The following UBR1 variants were observed in gnomAD, a reference collection of about 807,000 sequenced individuals.
UBR1 encodes E3 ubiquitin-protein ligase UBR1.
Under a neutral mutation model 242.1 loss-of-function variants are expected in UBR1, and 102 were observed. The observed-to-expected ratio is 0.42, with a 90% CI of 0.36 to 0.50. UBR1 has a LOEUF of 0.50. Ranked by LOEUF, UBR1 falls within the 20% of genes least tolerant of loss-of-function variation. The pLI is 0.01. For synonymous variants in UBR1, 675 were observed against 684.8 expected (o/e 0.99, Z 0.22); for missense variants, 1,772 against 2,101.8 (o/e 0.84, Z 3.07).
rs2033407231 is a variant in UBR1, at chr15:43,040,750, A to T, written c.1849+2465T>A. Among the ~76,000 whole-genome samples the T allele has an allele frequency of 2.6e-5, 4 of 152,224 alleles. 1 individual carries two copies. In the South Asian group the frequency reaches 8.3e-4, roughly 31 times the overall value. On this transcript the variant is annotated intron_variant, in intron 15 of 46. Coordinates refer to ENST00000290650, the MANE Select transcript of UBR1 (RefSeq NM_174916.3). The stretch of plus-strand genomic sequence containing the variant: ...AAAGGACTCAAACAAATTTACAAGA[A>T]AAAACACAACTCCATTGAAAAGCAG...
intron 1 of UBR1, among the ~76,000 whole-genome samples, chr15:43,093,029 C>G (rs1324804387): frequency 6.6e-6 from 1 of 151,540 alleles, no homozygotes; most frequent in Non-Finnish European, 1.5e-5. Flanking sequence ...TTTTAAGTAC[C>G]AAGTCCAGGA....
At chr15:43,076,510 C>T (rs2033896483) in intron 3 of UBR1, among the ~76,000 whole-genome samples, 1 of 150,988 alleles carries the variant, frequency 6.6e-6, no homozygotes, top group African/African-American at 2.4e-5. Context: ...AGCGTCTCTG[C>T]CCGGCCGCCC....
chr15:43,013,458 A>T (rs971025006), intron 29 of UBR1, among the ~76,000 whole-genome samples: 1 of 152,242 alleles, frequency 6.6e-6, no homozygotes, highest in Admixed American at 6.5e-5. Context: ...ACCTGTAGTT[A>T]TAGGCAATGT....
intron 44 of UBR1, among the ~76,000 whole-genome samples, chr15:42,954,818 C>T (rs2031892135): frequency 6.6e-6 from 1 of 152,198 alleles, no homozygotes; most frequent in Admixed American, 6.5e-5. Flanking sequence ...ATCTGCCCGC[C>T]TTGGCTTCCC....
chr15:42,970,486 T>C (rs373203552), intron 40 of UBR1, 34 bp downstream of exon 40: 3 of 1,583,670 alleles, frequency 1.9e-6, no homozygotes, highest in Non-Finnish European at 1.7e-6. Flanking sequence ...AATGGAATTA[T>C]TACAATAGAC....
At position 43,060,105 on chromosome 15, in the gene UBR1, C is replaced by T; in HGVS notation, c.808G>A (p.Ala270Thr). ...TTAIDKEGRR[A>T]VKAGAYAACQ... ...GCAGCATAAGCTCCCGCTTTAACAG[C>T]CCGACGACCCTAATTATAGACAAAA... The change falls in exon 7 of 47, where the codon GCT becomes ACT. Residue 270 changes from alanine to threonine, a missense_variant. Ala to Thr is a moderately conservative substitution (Grantham distance 58). This residue lies in a region of UBR1 where 734 missense variants were observed against 893.3 expected (regional missense o/e 0.82). Coordinates refer to ENST00000290650, the MANE Select transcript of UBR1 (RefSeq NM_174916.3). 1 of 1,614,142 alleles carries T rather than the reference C, an allele frequency of 6.2e-7. No individual in the cohort carries two copies. The highest frequency in any genetic ancestry group is 8.5e-7 in the Non-Finnish European group (1 of 1,180,004).
At position 43,046,953 on chromosome 15, in the gene UBR1, C is replaced by A. The variant is rs28605464; in HGVS notation, c.1668+208G>T. Among the ~76,000 whole-genome samples, 5,914 of 152,018 alleles carry A rather than the reference C, an allele frequency of 0.039. 128 individuals carry two copies. Among genetic ancestry groups the A allele is most frequent in the South Asian group, 0.08 (387 of 4,810 alleles). On this transcript the variant is annotated intron_variant, in intron 14 of 46. Transcript: ENST00000290650. ...TACACATGTATAAACCCTGCTATTC[C>A]CCAAAATAAGCAAAACTACCACAGG... is the stretch of plus-strand genomic sequence containing the variant.
Position 43,096,168 on chromosome 15 carries a change from TTC to T in UBR1, c.81+9772_81+9773del, listed in dbSNP as rs1209440868. 3.6e-3 allele frequency among the ~76,000 whole-genome samples: 541 copies of T among 151,852 alleles called. 5 individuals are homozygous for T. Among genetic ancestry groups the T allele is most frequent in the African/African-American group, 0.012 (510 of 41,428 alleles). ...TAAACGTGGGGGTGGCTATGGCAAT[TTC>T]TCTCTTTTTTTTTTTTTTTCTGAGA... On this transcript the variant is annotated intron_variant, in intron 1 of 46. Transcript: ENST00000290650.
intron 12 of UBR1, among the ~76,000 whole-genome samples, chr15:43,051,271 G>T (rs1264112953): frequency 1.3e-5 from 2 of 152,112 alleles, no homozygotes; most frequent in East Asian, 1.9e-4. Flanking sequence ...ATCTTTTCTG[G>T]GAACATGGAT....
chr15:43,013,036 G>C (rs1427983914), intron 29 of UBR1, among the ~76,000 whole-genome samples: 1 of 152,142 alleles, frequency 6.6e-6, no homozygotes, highest in African/African-American at 2.4e-5. Flanking sequence ...CTCCTGAGTA[G>C]CTGGGACTAA....
At chr15:43,060,517 G>A (rs1163063007) in intron 6 of UBR1, among the ~76,000 whole-genome samples, 1 of 152,102 alleles carries the variant, frequency 6.6e-6, no homozygotes, top group East Asian at 1.9e-4. Flanking sequence ...GCCCATTAAC[G>A]AGCGGGAAGT....
intron 12 of UBR1, among the ~76,000 whole-genome samples, chr15:43,049,864 A>G (rs1369891414): frequency 1.3e-5 from 2 of 152,198 alleles, no homozygotes; most frequent in East Asian, 3.8e-4. Context: ...AGTGTGGTCC[A>G]CTAACCAGCA....
chr15:43,096,156 G>A (rs948894208), intron 1 of UBR1, among the ~76,000 whole-genome samples: 5 of 151,852 alleles, frequency 3.3e-5, no homozygotes, highest in Non-Finnish European at 5.9e-5. Context: ...ACGTGGGGGT[G>A]GCTATGGCAA....
At chr15:42,967,835 A>G (rs1481811140) in intron 40 of UBR1, among the ~76,000 whole-genome samples, 1 of 151,752 alleles carries the variant, frequency 6.6e-6, no homozygotes, top group Non-Finnish European at 1.5e-5. Context: ...TGATGAGGGG[A>G]ACTTGGCAGC....
At chr15:43,017,602 G>C (rs945048598) in intron 27 of UBR1, among the ~76,000 whole-genome samples, 1 of 152,134 alleles carries the variant, frequency 6.6e-6, no homozygotes, top group Non-Finnish European at 1.5e-5. Flanking sequence ...CTGAGGTCAG[G>C]AGTTAGAGAT....
intron 3 of UBR1, among the ~76,000 whole-genome samples, chr15:43,081,436 A>G (rs981611290): frequency 1.3e-4 from 19 of 151,340 alleles, no homozygotes; most frequent in East Asian, 3.9e-4. Context: ...AAAAAAAAAA[A>G]AAAAAGAAAA....
At position 42,945,371 on chromosome 15, in the gene UBR1, C is replaced by T. The variant is rs375516146; in HGVS notation, c.5208G>A (p.Glu1736=). ...CIIEEIARSQ[E]TNQMLFGFNW... is the part of the protein sequence containing the mutation. ...TGAATCCAAATAACATCTGATTAGT[C>T]TCTTGGCTCCTAGCAATCTCTTCTA... Residue 1736 remains glutamate (E), a synonymous_variant, in exon 47 of 47, where the codon GAG becomes GAA. Transcript: ENST00000290650. 21 of 1,614,064 alleles carry T rather than the reference C, an allele frequency of 1.3e-5. No individual in the cohort carries two copies. Among genetic ancestry groups the T allele is most frequent in the African/African-American group, 5.3e-5 (4 of 74,930 alleles).
intron 33 of UBR1, among the ~76,000 whole-genome samples, chr15:42,994,711 C>A (rs747735112): frequency 6.6e-6 from 1 of 152,168 alleles, no homozygotes; most frequent in Admixed American, 6.6e-5. Flanking sequence ...CCTTTACAAT[C>A]TCTTGGCTGT....
chr15:43,105,713 A>G (rs115985432), intron 1 of UBR1, among the ~76,000 whole-genome samples: 119 of 152,300 alleles, frequency 7.8e-4, no homozygotes, highest in African/African-American at 2.8e-3. Context: ...AGAGACATGC[A>G]CACTTGAGAT....
Sources: allele counts gnomAD v4.1 joint callset (sites outside exome capture counted in the v4.1 genomes callset), GRCh38; gene constraint gnomAD v4.1.1; regional missense constraint gnomAD v4.1.1; transcripts MANE v1.5; gene names NCBI Gene and HGNC (gene_info 2026-07-23, HGNC 2026-07-21).